SLC25A39: variants seen among roughly 807,000 people sequenced by gnomAD.
SLC25A39 encodes the protein solute carrier family 25 member 39, also known as mitochondrial glutathione transporter SLC25A39.
A neutral mutation model predicts 46.6 loss-of-function variants in SLC25A39; 44 were observed. That is an observed-to-expected ratio of 0.94 (90% CI 0.74 to 1.21). The LOEUF (loss-of-function observed/expected upper bound fraction) is 1.21, where lower values mean the gene tolerates loss of function less well. Among genes scored for constraint, SLC25A39 ranks in the 50% most tolerant of loss-of-function variants. The pLI is 0.00. For synonymous variants in SLC25A39, 218 were observed against 190.6 expected (o/e 1.14, Z -1.19); for missense variants, 487 against 473.0 (o/e 1.03, Z -0.28).
chr17:44,322,345 C>A, intron 5 of SLC25A39, 74 bp downstream of exon 5: 1 of 1,573,910 alleles, frequency 6.4e-7, no homozygotes, highest in Non-Finnish European at 8.7e-7. Flanking sequence ...CCCTTTACTC[C>A]TGGGTCTGCT....
chr17:44,320,044 C>T lies in SLC25A39; in HGVS notation c.1037G>A (p.Ser346Asn). The T allele has an allele frequency of 6.2e-7, 1 of 1,614,050 alleles. No individual in the cohort carries two copies. Among genetic ancestry groups the T allele is most frequent in the Non-Finnish European group, 8.5e-7 (1 of 1,180,028 alleles). ...IMISTYEFGK[S>N]FFQRLNQDRL... ...GTCCTGGTTCAGCCTCTGGAAGAAG[C>T]TTTTGCCGAACTCATAGGTGCTGAT... Residue 346 changes from serine (S) to asparagine (N), a missense_variant, in exon 12 of 12, where the codon AGC (serine) becomes AAC (asparagine). By Grantham distance (46) the Ser-to-Asn change is conservative. Coordinates refer to ENST00000377095, the MANE Select transcript of SLC25A39 (RefSeq NM_001143780.3).
Position 44,320,007 on chromosome 17 carries a change from G to T in SLC25A39, c.1074C>A (p.Gly358=), listed in dbSNP as rs201315296. 1.1e-5 allele frequency: 17 copies of T among 1,613,756 alleles called. No individual in the cohort carries two copies. The highest frequency in any genetic ancestry group is 1.3e-5 in the African/African-American group (1 of 75,006). The change falls in exon 12 of 12, where the codon GGC becomes GGA. Residue 358 remains glycine (G), a synonymous_variant. Transcript: ENST00000377095. ...FQRLNQDRLL[G]G is the part of the protein sequence containing the mutation. ...CCTTGCCTCCTTGCCCCTTTCAGCC[G>T]CCCAGAAGCCGGTCCTGGTTCAGCC...
Sources: gnomAD v4.1 joint callset for allele counts on GRCh38, gnomAD v4.1.1 for gene constraint, MANE v1.5 for transcripts, NCBI Gene and HGNC (gene_info 2026-07-23, HGNC 2026-07-21) for gene names.